RYR2: variants seen among roughly 807,000 people sequenced by gnomAD.
RYR2 encodes the protein ryanodine receptor 2, also known as cardiac muscle ryanodine receptor-calcium release channel.
A neutral mutation model predicts 601.1 loss-of-function variants in RYR2; 227 were observed. That is an observed-to-expected ratio of 0.38 (90% CI 0.34 to 0.42). The LOEUF is 0.42. RYR2 is among the 10% of genes least tolerant of loss of function. The pLI is 1.00. For missense variants in RYR2, 4,646 were observed against 6,156.5 expected, an observed-to-expected ratio of 0.75 and a Z score of 8.21; for synonymous variants, 2,223 against 2,175.1, an observed-to-expected ratio of 1.02 and a Z score of -0.61.
chr1:237,773,674 C>T, intron 87 of RYR2, 26 bp downstream of exon 87: 8 of 1,599,504 alleles, frequency 5.0e-6, no homozygotes, highest in Non-Finnish European at 6.8e-6. Flanking sequence ...TGGCTGCTAT[C>T]TGTAGCACTG....
At chr1:237,231,414 G>A (rs1238651946) in intron 1 of RYR2, among the ~76,000 whole-genome samples, 1 of 150,628 alleles carries the variant, frequency 6.6e-6, no homozygotes, top group Non-Finnish European at 1.5e-5. Context: ...TCCTGCCTCT[G>A]CCTCCCAAAT....
At position 237,711,649 on chromosome 1, in the gene RYR2, A is replaced by G. The variant is rs1321785587; in HGVS notation, c.10231-96A>G. On this transcript the variant is annotated intron_variant, in intron 70 of 104. Transcript: ENST00000366574. Reference sequence around the variant, plus strand: ...GATAATTCTTATATATCAAATTAATACTTATCTCTGTAAAAACTTGCAGGT... The same window carrying G: ...GATAATTCTTATATATCAAATTAATGCTTATCTCTGTAAAAACTTGCAGGT... 5.9e-6 allele frequency: 4 copies of G among 679,920 alleles called. No homozygotes were observed. The East Asian group carries it at 1.1e-4, about 19-fold the overall frequency. 42.1% of individuals were successfully genotyped at this position (679,920 alleles called of 1,614,324 possible).
chr1:237,191,244 GCT>G (rs1443778116), intron 1 of RYR2, among the ~76,000 whole-genome samples: 1 of 151,964 alleles, frequency 6.6e-6, no homozygotes, highest in African/African-American at 2.4e-5. Context: ...TTATTTCCAG[GCT>G]CTCTATTCTG....
At chr1:237,832,192 C>CCA (rs1407367664) in intron 104 of RYR2, among the ~76,000 whole-genome samples, 1 of 151,058 alleles carries the variant, frequency 6.6e-6, no homozygotes, top group Non-Finnish European at 1.5e-5. Flanking sequence ...GCATGCACCA[C>CCA]CACACCTGGC....
chr1:237,670,321 G>A (rs1684813742), intron 58 of RYR2, among the ~76,000 whole-genome samples: 1 of 131,806 alleles, frequency 7.6e-6, no homozygotes, highest in Admixed American at 8.2e-5. Flanking sequence ...GAGAGGGAGA[G>A]GGAGAGGGAG....
intron 97 of RYR2, 98 bp from the exon 98 acceptor site, chr1:237,801,758 T>A: frequency 1.5e-6 from 1 of 672,836 alleles, no homozygotes; most frequent in Non-Finnish European, 2.5e-6. Context: ...GGTGTCCAAG[T>A]CTTGTCCCAT....
intron 44 of RYR2, 115 bp from the exon 45 acceptor site, chr1:237,638,242 C>A: frequency 1.4e-6 from 2 of 1,420,528 alleles, no homozygotes; most frequent in South Asian, 1.3e-5. Flanking sequence ...AAAGAATTTG[C>A]AAAAATGCAT....
intron 1 of RYR2, among the ~76,000 whole-genome samples, chr1:237,154,228 A>G (rs578213585): frequency 1.3e-5 from 2 of 152,336 alleles, no homozygotes; most frequent in East Asian, 3.9e-4. Context: ...TTACGTTTCC[A>G]AACACTCCTA....
intron 19 of RYR2, among the ~76,000 whole-genome samples, chr1:237,494,944 C>T (rs572973329): frequency 2.3e-4 from 35 of 152,146 alleles, no homozygotes; most frequent in Admixed American, 5.9e-4. Flanking sequence ...GTGCACACCA[C>T]CACACCCAGC....
At chr1:237,543,429 C>G (rs1010938130) in intron 25 of RYR2, among the ~76,000 whole-genome samples, 3 of 152,170 alleles carry the variant, frequency 2.0e-5, no homozygotes, top group Non-Finnish European at 2.9e-5. Flanking sequence ...TGAATATTCT[C>G]TATATGTTTT....
chr1:237,379,532 T>C (rs1281035020), intron 8 of RYR2, among the ~76,000 whole-genome samples: 2 of 152,244 alleles, frequency 1.3e-5, no homozygotes, highest in Non-Finnish European at 2.9e-5. Flanking sequence ...ATAATAATGA[T>C]GATAAGTGAG....
intron 1 of RYR2, among the ~76,000 whole-genome samples, chr1:237,162,875 G>C (rs1304140083): frequency 6.6e-6 from 1 of 152,150 alleles, no homozygotes; most frequent in East Asian, 1.9e-4. Flanking sequence ...TTCTGCAGGA[G>C]TCTAATGGGG....
intron 5 of RYR2, among the ~76,000 whole-genome samples, chr1:237,367,569 G>A (rs1700302859): frequency 7.2e-6 from 1 of 138,568 alleles, no homozygotes; most frequent in Non-Finnish European, 1.6e-5. Flanking sequence ...GGATATTAAA[G>A]CATCTTTCTG....
At chr1:237,248,000 A>G (rs766085044) in intron 1 of RYR2, among the ~76,000 whole-genome samples, 2 of 152,098 alleles carry the variant, frequency 1.3e-5, no homozygotes, top group Non-Finnish European at 2.9e-5. Context: ...TTGGCCGGGC[A>G]CGGTGGCTTA....
intron 16 of RYR2, among the ~76,000 whole-genome samples, chr1:237,458,763 G>A (rs966886385): frequency 3.3e-5 from 5 of 151,890 alleles, no homozygotes; most frequent in Admixed American, 2.6e-4. Flanking sequence ...AAAAAAGAAT[G>A]CATTTTTAAT....
intron 1 of RYR2, among the ~76,000 whole-genome samples, chr1:237,183,003 A>G (rs1678954612): frequency 6.6e-6 from 1 of 152,102 alleles, no homozygotes; most frequent in East Asian, 1.9e-4. Flanking sequence ...AAAACAGGTA[A>G]CTCTGGTTTA....
intron 80 of RYR2, among the ~76,000 whole-genome samples, chr1:237,752,462 T>TAAAAA (rs11336558): frequency 7.0e-6 from 1 of 143,020 alleles, no homozygotes; most frequent in Non-Finnish European, 1.5e-5. Context: ...TTTATTTAAT[T>TAAAAA]AAAAAAAAAA....
intron 25 of RYR2, among the ~76,000 whole-genome samples, chr1:237,534,006 T>C (rs933012681): frequency 2.0e-5 from 3 of 152,128 alleles, no homozygotes; most frequent in African/African-American, 7.2e-5. Flanking sequence ...CAAATGTACA[T>C]GGTTTAAATT....
At chr1:237,063,635 CATTATT>C (rs780904630) in intron 1 of RYR2, among the ~76,000 whole-genome samples, 24 of 152,108 alleles carry the variant, frequency 1.6e-4, no homozygotes, top group Non-Finnish European at 1.8e-4. Context: ...CTCCTTAAGA[CATTATT>C]ATTATTCTTT....
Sources: allele counts gnomAD v4.1 joint callset (sites outside exome capture counted in the v4.1 genomes callset), GRCh38; gene constraint gnomAD v4.1.1; transcripts MANE v1.5; gene names NCBI Gene and HGNC (gene_info 2026-07-23, HGNC 2026-07-21).